The following WWC2 variants were observed in gnomAD, a reference collection of about 807,000 sequenced individuals.
WWC2 encodes the protein WW and C2 domain containing 2.
A neutral mutation model predicts 138.5 loss-of-function variants in WWC2; 101 were observed. The observed-to-expected ratio is 0.73, with a 90% CI of 0.62 to 0.86. The LOEUF (loss-of-function observed/expected upper bound fraction) is 0.86. WWC2 is among the 40% of genes least tolerant of loss of function. The pLI is 0.00. For synonymous variants in WWC2, 558 were observed against 538.4 expected (o/e 1.04, Z -0.50); for missense variants, 1,420 against 1,419.4 (o/e 1.00, Z -0.01).
At chr4:183,219,648 G>A (rs1735866752) in intron 4 of WWC2, among the ~76,000 whole-genome samples, 1 of 152,212 alleles carries the variant, frequency 6.6e-6, no homozygotes, top group Non-Finnish European at 1.5e-5. Flanking sequence ...GAAGGATGCT[G>A]TCATAAGGCA....
chr4:183,194,423 G>T (rs139146849), intron 2 of WWC2, among the ~76,000 whole-genome samples: 32 of 152,168 alleles, frequency 2.1e-4, no homozygotes, highest in Admixed American at 4.6e-4. Context: ...TATTCAGATG[G>T]TAGCATACAA....
At position 183,253,783 on chromosome 4, in the gene WWC2, C is replaced by T. The variant is rs544159143; in HGVS notation, c.980C>T (p.Ser327Leu). ...ATGGCCAACTTAAAAATTGAACTGTCAAAATTGGACAGTGAGGCCTGGCCT... is the reference window on the plus strand; with the variant it reads ...ATGGCCAACTTAAAAATTGAACTGTTAAAATTGGACAGTGAGGCCTGGCCT... ...RSMANLKIELSKLDSEAWPGA... is the reference protein window; with the variant it reads ...RSMANLKIELLKLDSEAWPGA... Residue 327 changes from serine (S) to leucine (L), a missense_variant, in exon 9 of 23, where the codon TCA (serine) becomes TTA (leucine). Physicochemically the swap from Ser to Leu is moderately radical, Grantham distance 145 (BLOSUM62 -2). Transcript: ENST00000403733. 1.4e-5 allele frequency: 22 copies of T among 1,612,002 alleles called. No individual in the cohort carries two copies. The South Asian group carries it at 2.1e-4, about 15-fold the overall frequency.
chr4:183,297,703 C>T (rs1222104706), intron 21 of WWC2, among the ~76,000 whole-genome samples: 2 of 152,198 alleles, frequency 1.3e-5, no homozygotes, highest in Non-Finnish European at 1.5e-5. Flanking sequence ...AGCCACCGCA[C>T]CTGGCCTGGG....
chr4:183,231,960 G>A (rs1337246496), intron 4 of WWC2, among the ~76,000 whole-genome samples: 1 of 152,316 alleles, frequency 6.6e-6, no homozygotes, highest in African/African-American at 2.4e-5. Flanking sequence ...CACAGGAGAA[G>A]GTGTGGGATC....
At chr4:183,268,838 CA>C in intron 14 of WWC2, 132 bp from the exon 15 acceptor site, 1 of 1,008,980 alleles carries the variant, frequency 9.9e-7, no homozygotes, top group East Asian at 2.4e-5. Context: ...CCCGTGATGG[CA>C]GCAACACTTT....
In WWC2 at chr4:183,289,284, T is replaced by G; in HGVS notation, c.3142-109T>G. On this transcript the variant is annotated intron_variant, in intron 20 of 22. Coordinates refer to ENST00000403733, the MANE Select transcript of WWC2 (RefSeq NM_024949.6). ...TTGCTCCTGCCCCTTAGGCCCTGGC[T>G]TCTAGGGTGCAAGGAAGCACCATCC... 2.0e-6 allele frequency: 3 copies of G among 1,467,134 alleles called. No individual in the cohort carries two copies. The Admixed American group carries it at 7.0e-5, about 34-fold the overall frequency. 90.9% of individuals were successfully genotyped at this position (1,467,134 alleles called of 1,614,324 possible). A position where few individuals can be genotyped will look rare whatever the true frequency, so the allele number is the denominator to read the frequency against.
intron 1 of WWC2, among the ~76,000 whole-genome samples, chr4:183,133,620 C>T (rs1403582842): frequency 6.6e-6 from 1 of 152,112 alleles, no homozygotes; most frequent in African/African-American, 2.4e-5. Flanking sequence ...CCTCAGCCTC[C>T]CGAGTAACTA....
At chr4:183,234,871 C>T (rs552433626) in intron 4 of WWC2, among the ~76,000 whole-genome samples, 1 of 152,204 alleles carries the variant, frequency 6.6e-6, no homozygotes, top group South Asian at 2.1e-4. Flanking sequence ...TAGTTGGGAT[C>T]TAAGGACATT....
intron 1 of WWC2, among the ~76,000 whole-genome samples, chr4:183,103,830 T>A (rs1298751647): frequency 1.3e-5 from 2 of 149,082 alleles, no homozygotes; most frequent in Admixed American, 6.7e-5. Flanking sequence ...GAGATGGGGT[T>A]TCACCATGTT....
intron 21 of WWC2, among the ~76,000 whole-genome samples, chr4:183,295,197 G>C (rs1738594976): frequency 6.6e-6 from 1 of 152,208 alleles, no homozygotes. Context: ...CTTCAGCCTG[G>C]AGTGTAAACT....
At position 183,243,769 on chromosome 4, in the gene WWC2, GTGTGTGTGTGTGTGTGTGTGTGCA is replaced by G. The variant is rs1736686792; in HGVS notation, c.603-1641_603-1618del. Among the ~76,000 whole-genome samples, 2 of 150,154 alleles carry G rather than the reference GTGTGTGTGTGTGTGTGTGTGTGCA, an allele frequency of 1.3e-5. 1 individual carries two copies. The highest frequency in any genetic ancestry group is 4.2e-4 in the South Asian group (2 of 4,780). On this transcript the variant is annotated intron_variant, in intron 5 of 22. Transcript: ENST00000403733. The stretch of plus-strand genomic sequence containing the variant: ...TGTGTGTGTGTGTGTGTGTGTGTGT[GTGTGTGTGTGTGTGTGTGTGTGCA>G]TGTGTTTAATCTGTGACTTGATTGG...
intron 21 of WWC2, among the ~76,000 whole-genome samples, chr4:183,308,360 G>T (rs184598838): frequency 6.6e-6 from 1 of 152,260 alleles, no homozygotes; most frequent in Admixed American, 6.5e-5. Flanking sequence ...TTATGTAATA[G>T]TCAAACTGAT....
chr4:183,257,923 AAGAC>A (rs1737198832), intron 9 of WWC2, among the ~76,000 whole-genome samples: 1 of 152,120 alleles, frequency 6.6e-6, no homozygotes, highest in African/African-American at 2.4e-5. Context: ...CAAGAACACA[AAGAC>A]AGGCATCTGT....
At position 183,189,161 on chromosome 4, in the gene WWC2, G is replaced by A. The variant is rs117031714; in HGVS notation, c.132-4438G>A. Among the ~76,000 whole-genome samples the A allele has an allele frequency of 5.9e-3, 899 of 151,922 alleles. 7 individuals carry two copies. Among genetic ancestry groups the A allele is most frequent in the African/African-American group, 0.019 (796 of 41,442 alleles). ...GATAGATAGAAGTTGTTGGCCAGGC[G>A]CAGTGGCTCATGCCTGTAATCCTAG... On this transcript the variant is annotated intron_variant, in intron 1 of 22. Coordinates refer to ENST00000403733, the MANE Select transcript of WWC2 (RefSeq NM_024949.6).
intron 9 of WWC2, among the ~76,000 whole-genome samples, chr4:183,254,486 G>A (rs1274688456): frequency 2.0e-5 from 3 of 152,114 alleles, no homozygotes; most frequent in Non-Finnish European, 2.9e-5. Flanking sequence ...CATCCCTCCC[G>A]TGAAACAGGT....
At chr4:183,255,230 G>C (rs1737098775) in intron 9 of WWC2, among the ~76,000 whole-genome samples, 1 of 152,068 alleles carries the variant, frequency 6.6e-6, no homozygotes, top group African/African-American at 2.4e-5. Flanking sequence ...TTCTTGTTCT[G>C]GCTTTTCTGT....
intron 4 of WWC2, among the ~76,000 whole-genome samples, chr4:183,237,834 T>A (rs1430246265): frequency 6.6e-6 from 1 of 152,178 alleles, no homozygotes; most frequent in African/African-American, 2.4e-5. Flanking sequence ...GGTCTCCCTC[T>A]TGACATTTTT....
chr4:183,195,123 G>C (rs1735100105), intron 2 of WWC2, among the ~76,000 whole-genome samples: 2 of 152,036 alleles, frequency 1.3e-5, no homozygotes, highest in South Asian at 4.1e-4. Context: ...CATCTGTAAG[G>C]GTGAAATGAA....
chr4:183,290,366 A>T, intron 21 of WWC2, among the ~76,000 whole-genome samples: 1 of 152,068 alleles, frequency 6.6e-6, no homozygotes, highest in Non-Finnish European at 1.5e-5. Flanking sequence ...AATATTTAAA[A>T]AATTAGCTGG....
Sources: gnomAD v4.1 joint callset for allele counts (sites outside exome capture counted in the v4.1 genomes callset) on GRCh38, gnomAD v4.1.1 for gene constraint, MANE v1.5 for transcripts, NCBI Gene and HGNC (gene_info 2026-07-23, HGNC 2026-07-21) for gene names.